Variants in TRIP12 observed in about 807,000 individuals in gnomAD.
TRIP12 encodes E3 ubiquitin-protein ligase TRIP12.
In TRIP12, 25 loss-of-function variants were observed where a neutral mutation model predicts 244.2. The ratio of observed to expected loss-of-function variants is 0.10; its 90% CI spans 0.07 to 0.14. TRIP12 has a LOEUF of 0.14. TRIP12 is among the 10% of genes least tolerant of loss of function. TRIP12 has a pLI of 1.00. For missense variants in TRIP12, 1,677 were observed against 2,486.4 expected, an observed-to-expected ratio of 0.67 and a Z score of 6.92; for synonymous variants, 905 against 873.1, an observed-to-expected ratio of 1.04 and a Z score of -0.64.
intron 5 of TRIP12, among the ~76,000 whole-genome samples, chr2:229,840,116 T>C (rs1469989093): frequency 6.6e-6 from 1 of 152,180 alleles, no homozygotes; most frequent in African/African-American, 2.4e-5. Context: ...AATCACACTA[T>C]TGGGAAATTT....
chr2:229,911,308 A>C (rs1209475274), intron 1 of TRIP12, among the ~76,000 whole-genome samples: 1 of 152,252 alleles, frequency 6.6e-6, no homozygotes, highest in African/African-American at 2.4e-5. Context: ...CAATTAGGAA[A>C]GTCTGTAAGA....
At chr2:229,844,803 A>C (rs1041388624) in intron 4 of TRIP12, among the ~76,000 whole-genome samples, 1 of 152,244 alleles carries the variant, frequency 6.6e-6, no homozygotes, top group African/African-American at 2.4e-5. Flanking sequence ...ATGCATTTTC[A>C]AGTGACTTTA....
chr2:229,844,649 C>T (rs1221693863), intron 4 of TRIP12, among the ~76,000 whole-genome samples: 1 of 152,102 alleles, frequency 6.6e-6, no homozygotes, highest in Non-Finnish European at 1.5e-5. Context: ...CACAAGAAGT[C>T]AAAGCAAACA....
At chr2:229,785,711 A>G (rs1273300602) in intron 34 of TRIP12, 46 bp downstream of exon 34, 2 of 1,540,642 alleles carry the variant, frequency 1.3e-6, no homozygotes, top group Non-Finnish European at 1.8e-6. Flanking sequence ...CATTTAATTA[A>G]GAGCACAAGT....
At chr2:229,790,517 G>A (rs1209103173) in intron 30 of TRIP12, among the ~76,000 whole-genome samples, 3 of 146,626 alleles carry the variant, frequency 2.0e-5, no homozygotes, top group East Asian at 2.0e-4. Flanking sequence ...CTGTGGTGGC[G>A]GCAGGGGGCA....
At chr2:229,837,605 T>C (rs1235408067) in intron 5 of TRIP12, among the ~76,000 whole-genome samples, 1 of 151,964 alleles carries the variant, frequency 6.6e-6, no homozygotes, top group Non-Finnish European at 1.5e-5. Context: ...CTGCACTCCA[T>C]CTTGGGCGGC....
chr2:229,812,362 C>T (rs964392128), intron 13 of TRIP12, among the ~76,000 whole-genome samples: 1 of 152,040 alleles, frequency 6.6e-6, no homozygotes, highest in South Asian at 2.1e-4. Flanking sequence ...ATTACAGGTG[C>T]GAGTCACTGT....
chr2:229,778,393 C>A lies in TRIP12; in HGVS notation c.5364+40G>T. Reference sequence around the variant, plus strand: ...GACTGAGGTACTTGCACAGAACATTCTACACCAAAACTGCAAAAAGCAAAC... The same window carrying A: ...GACTGAGGTACTTGCACAGAACATTATACACCAAAACTGCAAAAAGCAAAC... On this transcript the variant is annotated intron_variant, in intron 36 of 41. Transcript: ENST00000675903. The surrounding 1 kb of genome is among the most constrained non-coding windows in gnomAD (Gnocchi z 4.1). 6.2e-7 allele frequency: 1 copy of A among 1,611,678 alleles called. No homozygotes were observed. Among genetic ancestry groups the A allele is most frequent in the Non-Finnish European group, 8.5e-7 (1 of 1,178,430 alleles).
At position 229,764,269 on chromosome 2, in the gene TRIP12, C is replaced by T. The variant is rs923262099; in HGVS notation, c.*3285G>A. 4 of 152,174 alleles carry T rather than the reference C, an allele frequency of 2.6e-5. No homozygotes were observed. Among genetic ancestry groups the T allele is most frequent in the Admixed American group, 1.3e-4 (2 of 15,292 alleles). 9.4% of individuals were successfully genotyped at this position (152,174 alleles called of 1,614,324 possible). ...CTAGGTTATCCTTTACCGTGTATGTCAACTACTGCAATGTCAAACCTAAGA... is the reference window on the plus strand; with the variant it reads ...CTAGGTTATCCTTTACCGTGTATGTTAACTACTGCAATGTCAAACCTAAGA... On this transcript the variant is annotated 3_prime_UTR_variant, in exon 42 of 42. Transcript: ENST00000675903.
chr2:229,860,586 A>G (rs781245802), intron 2 of TRIP12, 55 bp from the exon 3 acceptor site: 508 of 1,447,458 alleles, frequency 3.5e-4, no homozygotes, highest in Non-Finnish European at 4.4e-4. Context: ...TGCAAATACA[A>G]TACTGAAAAT....
intron 2 of TRIP12, among the ~76,000 whole-genome samples, chr2:229,862,495 G>A (rs1559942689): frequency 6.6e-6 from 1 of 152,160 alleles, no homozygotes; most frequent in Non-Finnish European, 1.5e-5. Context: ...GCAGACTGAT[G>A]TTTTAATTAA....
chr2:229,913,089 A>C (rs1447715105), intron 1 of TRIP12, among the ~76,000 whole-genome samples: 1 of 152,076 alleles, frequency 6.6e-6, no homozygotes, highest in East Asian at 1.9e-4. Flanking sequence ...GGCTCAAATC[A>C]TCCTCCTGCC....
chr2:229,793,235 A>G (rs967386982), intron 26 of TRIP12, 90 bp from the exon 27 acceptor site: 11 of 1,322,514 alleles, frequency 8.3e-6, no homozygotes, highest in Non-Finnish European at 1.1e-5. Flanking sequence ...TACAAACTGC[A>G]TTTTCATAAG....
At chr2:229,903,000 TTTTC>T (rs1485400176) in intron 1 of TRIP12, among the ~76,000 whole-genome samples, 39 of 42,054 alleles carry the variant, frequency 9.3e-4, no homozygotes, top group Admixed American at 5.6e-3. Context: ...GCGGGTTTTT[TTTTC>T]TTTTTCTTTT....
chr2:229,841,137 T>C (rs539298272), intron 4 of TRIP12, among the ~76,000 whole-genome samples: 6 of 152,316 alleles, frequency 3.9e-5, no homozygotes, highest in African/African-American at 9.6e-5. Flanking sequence ...TCTTCTCACT[T>C]GGGCCCAACC....
In TRIP12 at chr2:229,789,858, T is replaced by C. The variant is rs1428315476; in HGVS notation, c.4544-96A>G. The C allele has an allele frequency of 8.8e-6, 12 of 1,357,540 alleles. No homozygotes were observed. In the East Asian group the frequency reaches 2.8e-4, roughly 31 times the overall value. 84.1% of individuals were successfully genotyped at this position (1,357,540 alleles called of 1,614,324 possible). On this transcript the variant is annotated intron_variant, in intron 30 of 41. Coordinates refer to ENST00000675903, the MANE Select transcript of TRIP12 (RefSeq NM_001348323.3). ...ATCATCGCTAAAAGAGTAACAGAAG[T>C]TGTTATAGTCAACGCTTGGAATCTT...
In TRIP12 at chr2:229,873,135, A is replaced by C. The variant is rs80135733; in HGVS notation, c.98+6847T>G. On this transcript the variant is annotated intron_variant, in intron 2 of 41. Coordinates refer to ENST00000675903, the MANE Select transcript of TRIP12 (RefSeq NM_001348323.3). ...TTACTAGAGAAACAGCAATAAAACA[A>C]GAATAAGGGTTTTCTTCTTTATCAA... 1.7e-4 allele frequency among the ~76,000 whole-genome samples: 26 copies of C among 152,352 alleles called. No individual in the cohort carries two copies. In the East Asian group the frequency reaches 5.0e-3, roughly 29 times the overall value.
At chr2:229,918,504 G>C (rs1170010902) in intron 1 of TRIP12, among the ~76,000 whole-genome samples, 1 of 152,200 alleles carries the variant, frequency 6.6e-6, no homozygotes, top group Non-Finnish European at 1.5e-5. Context: ...CTTACATTAA[G>C]TCAATTTCAT....
chr2:229,824,160 T>C (rs1358545166), intron 8 of TRIP12, among the ~76,000 whole-genome samples: 3 of 152,342 alleles, frequency 2.0e-5, no homozygotes, highest in South Asian at 4.1e-4. Flanking sequence ...GTTTGAGATA[T>C]GATAAAGTAT....
Sources: gnomAD v4.1 joint callset for allele counts (sites outside exome capture counted in the v4.1 genomes callset) on GRCh38, gnomAD v4.1.1 for gene constraint, Gnocchi (gnomAD v3.1) non-coding constraint, MANE v1.5 for transcripts, NCBI Gene and HGNC (gene_info 2026-07-23, HGNC 2026-07-21) for gene names.